The following ENTPD7 variants were observed in gnomAD, a reference collection of about 807,000 sequenced individuals.
ENTPD7 encodes the protein ectonucleoside triphosphate diphosphohydrolase 7.
In ENTPD7, 53 loss-of-function variants were observed where a neutral mutation model predicts 77.9. The observed-to-expected ratio is 0.68, with a 90% CI of 0.55 to 0.85. The LOEUF (loss-of-function observed/expected upper bound fraction) is 0.85, where lower values mean the gene tolerates loss of function less well. ENTPD7 is among the 40% of genes least tolerant of loss of function. ENTPD7 has a pLI of 0.00. For missense variants in ENTPD7, 636 were observed against 743.7 expected, an observed-to-expected ratio of 0.86 and a Z score of 1.68; for synonymous variants, 248 against 274.9, an observed-to-expected ratio of 0.90 and a Z score of 0.97.
At chr10:99,702,203 A>G (rs141605050) in intron 11 of ENTPD7, among the ~76,000 whole-genome samples, 11 of 152,082 alleles carry the variant, frequency 7.2e-5, no homozygotes, top group African/African-American at 2.7e-4. Flanking sequence ...TCTTACTTCA[A>G]CTGGGTTGTT....
chr10:99,673,011 A>G (rs774065388), intron 3 of ENTPD7, among the ~76,000 whole-genome samples: 5 of 152,220 alleles, frequency 3.3e-5, no homozygotes, highest in South Asian at 2.1e-4. Context: ...TTGTCTTCCA[A>G]TTCCACCCTG....
chr10:99,688,455 C>G (rs1232157290), intron 6 of ENTPD7, among the ~76,000 whole-genome samples: 1 of 151,920 alleles, frequency 6.6e-6, no homozygotes, highest in African/African-American at 2.4e-5. Flanking sequence ...ATTTATACTT[C>G]TTAGACATTT....
At chr10:99,700,542 C>T (rs2133513107) in intron 10 of ENTPD7, among the ~76,000 whole-genome samples, 1 of 152,176 alleles carries the variant, frequency 6.6e-6, no homozygotes, top group East Asian at 1.9e-4. Context: ...TCTAGAACAG[C>T]ACCTGGCACA....
chr10:99,663,155 C>T (rs758400941), intron 3 of ENTPD7, among the ~76,000 whole-genome samples: 15 of 152,148 alleles, frequency 9.9e-5, no homozygotes, highest in African/African-American at 1.2e-4. Flanking sequence ...AGCAAGTATG[C>T]GGTGATAAAT....
chr10:99,660,217 A>G lies in ENTPD7; in HGVS notation c.8+253A>G, dbSNP rs971687692. 9 of 752,294 alleles carry G rather than the reference A, an allele frequency of 1.2e-5. No homozygotes were observed. The South Asian group carries it at 2.4e-4, about 20-fold the overall frequency. 46.6% of individuals were successfully genotyped at this position (752,294 alleles called of 1,614,324 possible). A position where few individuals can be genotyped will look rare whatever the true frequency, so the allele number is the denominator to read the frequency against. On this transcript the variant is annotated intron_variant, in intron 2 of 12. Transcript: ENST00000370489. ...GCTCTGTAAAGTGCAAGGTTGTAAC[A>G]TTGATTCAGATTCGCATCTGAGCAA...
chr10:99,701,950 AG>A (rs1301899082), intron 11 of ENTPD7, among the ~76,000 whole-genome samples: 5 of 151,980 alleles, frequency 3.3e-5, no homozygotes, highest in Non-Finnish European at 7.4e-5. Flanking sequence ...CGGGAGGCTG[AG>A]GCAGGGAGAA....
intron 7 of ENTPD7, among the ~76,000 whole-genome samples, chr10:99,688,967 C>G (rs944028800): frequency 3.9e-5 from 6 of 151,930 alleles, no homozygotes; most frequent in Admixed American, 3.9e-4. Context: ...TAAAATGAAC[C>G]TCCATGGACC....
intron 11 of ENTPD7, among the ~76,000 whole-genome samples, chr10:99,701,666 C>T (rs770446465): frequency 6.6e-6 from 1 of 151,938 alleles, no homozygotes; most frequent in Non-Finnish European, 1.5e-5. Context: ...CAACATAAAC[C>T]CTCATGTAAC....
chr10:99,709,453 T>C lies in ENTPD7; in HGVS notation c.*4770T>C. Reference sequence around the variant, plus strand: ...CCTGGGGCAATAACTTGTGAGGATTTTCCTGGTGTTACAAAAAATATTGCT... The same window carrying C: ...CCTGGGGCAATAACTTGTGAGGATTCTCCTGGTGTTACAAAAAATATTGCT... On this transcript the variant is annotated 3_prime_UTR_variant, in exon 13 of 13. Transcript: ENST00000370489. 4 of 985,452 alleles carry C rather than the reference T, an allele frequency of 4.1e-6. No homozygotes were observed. Among genetic ancestry groups the C allele is most frequent in the Non-Finnish European group, 4.8e-6 (4 of 829,940 alleles). The allele number at this position is 985,452 out of a possible 1,614,324, so 61.0% of individuals were successfully genotyped here. A position where few individuals can be genotyped will look rare whatever the true frequency, so the allele number is the denominator to read the frequency against.
rs934009174 is a variant in ENTPD7, at chr10:99,705,735, G to C, written c.*1052G>C. 6.6e-6 allele frequency: 1 copy of C among 152,180 alleles called. No individual in the cohort carries two copies. Among genetic ancestry groups the C allele is most frequent in the Non-Finnish European group, 1.5e-5 (1 of 68,040 alleles). The allele number at this position is 152,180 out of a possible 1,614,324, so 9.4% of individuals were successfully genotyped here. On this transcript the variant is annotated 3_prime_UTR_variant, in exon 13 of 13. Coordinates refer to ENST00000370489, the MANE Select transcript of ENTPD7 (RefSeq NM_020354.5). ...GAAGTTTCTCAATTTATGACTCTTG[G>C]AATGTCTGAAAGGGAGCAAATTTGG...
intron 6 of ENTPD7, among the ~76,000 whole-genome samples, chr10:99,686,850 C>CT (rs1163756963): frequency 0.019 from 2,618 of 140,182 alleles, 88 homozygotes; most frequent in African/African-American, 0.063. Context: ...TCAAAGAGAA[C>CT]TTTTTTTTTT....
chr10:99,666,559 T>C (rs2035553458), intron 3 of ENTPD7, among the ~76,000 whole-genome samples: 1 of 152,096 alleles, frequency 6.6e-6, no homozygotes, highest in African/African-American at 2.4e-5. Flanking sequence ...GGAAAAAGAA[T>C]TGGAGAGGAA....
At position 99,708,757 on chromosome 10, in the gene ENTPD7, A is replaced by G; in HGVS notation, c.*4074A>G. 12 of 860,874 alleles carry G rather than the reference A, an allele frequency of 1.4e-5. No homozygotes were observed. The highest frequency in any genetic ancestry group is 1.7e-5 in the Non-Finnish European group (12 of 716,432). 53.3% of individuals were successfully genotyped at this position (860,874 alleles called of 1,614,324 possible). On this transcript the variant is annotated 3_prime_UTR_variant, in exon 13 of 13. Transcript: ENST00000370489. ...CTTCTGGTCAACCCCCTTGATTTAT[A>G]TGGGTGATAAAACTGAGGCCTAGAG...
chr10:99,659,992 G>A lies in ENTPD7; in HGVS notation c.8+28G>A. Reference sequence around the variant, plus strand: ...AAGGCTGCACACTTTCCCTCCGGCTGGGAGCACGGCAGAGGATGGCAGGCA... The same window carrying A: ...AAGGCTGCACACTTTCCCTCCGGCTAGGAGCACGGCAGAGGATGGCAGGCA... On this transcript the variant is annotated intron_variant, in intron 2 of 12. Transcript: ENST00000370489. This position sits in a 1 kb window ranked among gnomAD's most constrained non-coding sequence, Gnocchi z 4.1. 6.2e-7 allele frequency: 1 copy of A among 1,613,772 alleles called. No homozygotes were observed. The highest frequency in any genetic ancestry group is 8.5e-7 in the Non-Finnish European group (1 of 1,179,920).
intron 8 of ENTPD7, among the ~76,000 whole-genome samples, chr10:99,691,832 T>C (rs1260539561): frequency 2.6e-5 from 4 of 152,236 alleles, no homozygotes; most frequent in African/African-American, 9.6e-5. Context: ...TCTCCTGCCA[T>C]TGCTGAGGAT....
chr10:99,698,672 G>C lies in ENTPD7; in HGVS notation c.1149G>C (p.Gly383=). 1 of 1,614,114 alleles carries C rather than the reference G, an allele frequency of 6.2e-7. No homozygotes were observed. The highest frequency in any genetic ancestry group is 8.5e-7 in the Non-Finnish European group (1 of 1,180,030). The change falls in exon 10 of 13, where the codon GGG becomes GGC. Residue 383 remains glycine, a synonymous_variant. Transcript: ENST00000370489. ...GAAGAGGAGACTGGGTGTCTTGTGG[G>C]GCAATGCTGAGCCCCCTGCTGGCTC... ...VRGRGDWVSC[G]AMLSPLLARS... is the part of the protein sequence containing the mutation.
intron 2 of ENTPD7, chr10:99,660,564 A>T: frequency 3.4e-6 from 1 of 297,012 alleles, no homozygotes; most frequent in Non-Finnish European, 6.8e-6. Context: ...ACACACACAG[A>T]GATATATTAC....
intron 10 of ENTPD7, among the ~76,000 whole-genome samples, chr10:99,700,189 A>G (rs1350077295): frequency 6.6e-6 from 1 of 152,046 alleles, no homozygotes; most frequent in Non-Finnish European, 1.5e-5. Context: ...TTGAACACCA[A>G]AAGGCTCAAG....
chr10:99,678,741 C>T (rs1444687970), intron 3 of ENTPD7, among the ~76,000 whole-genome samples: 2 of 144,554 alleles, frequency 1.4e-5, no homozygotes, highest in Non-Finnish European at 3.0e-5. Flanking sequence ...CGTGCCACTG[C>T]GCTCCAGTCT....
Sources: allele counts gnomAD v4.1 joint callset (sites outside exome capture counted in the v4.1 genomes callset), GRCh38; gene constraint gnomAD v4.1.1; non-coding constraint Gnocchi (gnomAD v3.1); transcripts MANE v1.5; gene names NCBI Gene and HGNC (gene_info 2026-07-23, HGNC 2026-07-21).